The following SMARCAD1 variants were observed in gnomAD, a reference collection of about 807,000 sequenced individuals.
SMARCAD1 encodes SNF2 related chromatin remodeling ATPase with DExD box 1, also known as SWI/SNF-related matrix-associated actin-dependent regulator of chromatin subfamily A containing DEAD/H box 1.
A neutral mutation model predicts 127.1 loss-of-function variants in SMARCAD1; 25 were observed. That is an observed-to-expected ratio of 0.20 (90% CI 0.14 to 0.27). The LOEUF is 0.27. SMARCAD1 is among the 10% of genes least tolerant of loss of function. SMARCAD1 has a pLI of 1.00. For missense variants in SMARCAD1, 807 were observed against 1,206.0 expected (o/e 0.67, Z 4.90); for synonymous variants, 400 against 396.9 (o/e 1.01, Z -0.09).
intron 9 of SMARCAD1, among the ~76,000 whole-genome samples, chr4:94,256,158 GT>G (rs1214465493): frequency 2.6e-5 from 4 of 152,120 alleles, no homozygotes; most frequent in African/African-American, 7.2e-5. Context: ...GAGTAGTAAT[GT>G]TTTTATGCTG....
In SMARCAD1 at chr4:94,208,577, A is replaced by G; in HGVS notation, c.183A>G (p.Glu61=). ...RANTPDSDIT[E]KTEDSSVPET... Reference sequence around the variant, plus strand: ...ACACTCCTGATTCAGATATAACTGAAAAAACAGGTGAGTTACAATGTTAAA... The same window carrying G: ...ACACTCCTGATTCAGATATAACTGAGAAAACAGGTGAGTTACAATGTTAAA... Residue 61 remains glutamate (E), a synonymous_variant, in exon 2 of 24, where the codon GAA becomes GAG. Transcript: ENST00000354268. 6.2e-7 allele frequency: 1 copy of G among 1,614,010 alleles called. No homozygotes were observed.
At chr4:94,268,026 G>A (rs1381372419) in intron 10 of SMARCAD1, among the ~76,000 whole-genome samples, 1 of 152,208 alleles carries the variant, frequency 6.6e-6, no homozygotes, top group East Asian at 1.9e-4. Context: ...TTTACATGCT[G>A]AGAAAGGATC....
At chr4:94,286,854 T>C (rs1374337062) in intron 23 of SMARCAD1, among the ~76,000 whole-genome samples, 1 of 152,214 alleles carries the variant, frequency 6.6e-6, no homozygotes, top group Non-Finnish European at 1.5e-5. Flanking sequence ...TGTTTAGTTA[T>C]GAAGAATCCT....
chr4:94,224,787 T>C (rs1744743538), intron 2 of SMARCAD1, among the ~76,000 whole-genome samples: 1 of 152,170 alleles, frequency 6.6e-6, no homozygotes, highest in Admixed American at 6.5e-5. Context: ...GCAAGTTGCT[T>C]TTTCTCTCAG....
At chr4:94,234,172 C>T in intron 4 of SMARCAD1, 50 bp downstream of exon 4, 4 of 1,494,746 alleles carry the variant, frequency 2.7e-6, no homozygotes, top group Non-Finnish European at 2.7e-6. Context: ...ATCTCTCCTG[C>T]ATTCAGTGCT....
intron 6 of SMARCAD1, 106 bp from the exon 7 acceptor site, chr4:94,249,548 T>TGG (rs1748956877): frequency 2.8e-6 from 2 of 716,790 alleles, no homozygotes; most frequent in Non-Finnish European, 5.1e-6. Flanking sequence ...TTCTTCTGAC[T>TGG]GATGATGATA....
chr4:94,259,924 GTGTT>G lies in SMARCAD1; in HGVS notation c.1282-4778_1282-4775del, dbSNP rs538033460. Among the ~76,000 whole-genome samples, 18 of 152,226 alleles carry G rather than the reference GTGTT, an allele frequency of 1.2e-4. No homozygotes were observed. The South Asian group carries it at 3.7e-3, about 32-fold the overall frequency. On this transcript the variant is annotated intron_variant, in intron 9 of 23. Coordinates refer to ENST00000354268, the MANE Select transcript of SMARCAD1 (RefSeq NM_020159.5). ...TTCCAGTTGTCTCATAAATGCCATA[GTGTT>G]TGTTCATTTGTTTTATAGTTTGTTA... is the stretch of plus-strand genomic sequence containing the variant.
chr4:94,235,006 T>C (rs987584413), intron 4 of SMARCAD1, among the ~76,000 whole-genome samples: 1 of 152,142 alleles, frequency 6.6e-6, no homozygotes, highest in Non-Finnish European at 1.5e-5. Flanking sequence ...TACTGGATAC[T>C]CAGATTTTTC....
chr4:94,279,127 A>G (rs1038509461), intron 19 of SMARCAD1, 77 bp downstream of exon 19: 7 of 1,576,096 alleles, frequency 4.4e-6, no homozygotes, highest in South Asian at 1.1e-5. Flanking sequence ...GGTGAACCCA[A>G]TGGGCATACT....
rs1282467024 is a variant in SMARCAD1 at position 94,291,210 on chromosome 4, TTTATCTC to T, written c.*1678_*1684del. Reference sequence around the variant, plus strand: ...TTGTTGTTGTTGTTATATCCATACTTTTATCTCTAATGAAATGTAGTTGGGTTCTTCC... The same window carrying T: ...TTGTTGTTGTTGTTATATCCATACTTTAATGAAATGTAGTTGGGTTCTTCC... On this transcript the variant is annotated 3_prime_UTR_variant, in exon 24 of 24. Coordinates refer to ENST00000354268, the MANE Select transcript of SMARCAD1 (RefSeq NM_020159.5). 3 of 453,994 alleles carry T rather than the reference TTTATCTC, an allele frequency of 6.6e-6. No homozygotes were observed. Among genetic ancestry groups the T allele is most frequent in the East Asian group, 6.9e-5 (1 of 14,412 alleles). 28.1% of individuals were successfully genotyped at this position (453,994 alleles called of 1,614,324 possible). A position where few individuals can be genotyped will look rare whatever the true frequency, so the allele number is the denominator to read the frequency against.
At chr4:94,273,147 A>G (rs907717264) in intron 11 of SMARCAD1, among the ~76,000 whole-genome samples, 9 of 152,226 alleles carry the variant, frequency 5.9e-5, no homozygotes, top group Non-Finnish European at 1.0e-4. Context: ...AGATAAAACT[A>G]TGAACATTCT....
intron 2 of SMARCAD1, among the ~76,000 whole-genome samples, chr4:94,215,631 G>A (rs1167563216): frequency 6.8e-6 from 1 of 146,206 alleles, no homozygotes; most frequent in African/African-American, 2.5e-5. Flanking sequence ...AAAAAGGGGG[G>A]TGGGGGGGAG....
Position 94,226,288 on chromosome 4 carries a change from G to A in SMARCAD1, c.360G>A (p.Val120=). 1 of 1,610,810 alleles carries A rather than the reference G, an allele frequency of 6.2e-7. No homozygotes were observed. The highest frequency in any genetic ancestry group is 2.2e-5 in the East Asian group (1 of 44,708). The part of the protein sequence containing the change: ...VQEKTFNKDT[V]IIVSEPSEDE... The stretch of plus-strand genomic sequence containing the variant: ...AGAAAACATTCAACAAAGATACAGT[G>A]ATTATAGTGTAAGCTGATTAATAGA... Residue 120 remains valine (V), a synonymous_variant, in exon 3 of 24, where the codon GTG becomes GTA. Transcript: ENST00000354268.
At chr4:94,250,937 G>T in intron 8 of SMARCAD1, 104 bp downstream of exon 8, 1 of 843,488 alleles carries the variant, frequency 1.2e-6, no homozygotes. Context: ...TTAATCAGAG[G>T]GTGGGATTGC....
chr4:94,277,170 A>G lies in SMARCAD1; in HGVS notation c.2082+11A>G. 1 of 1,613,752 alleles carries G rather than the reference A, an allele frequency of 6.2e-7. No individual in the cohort carries two copies. The highest frequency in any genetic ancestry group is 8.5e-7 in the Non-Finnish European group (1 of 1,179,746). ...TTTTCCTCTAAGACAGTAAGCATAA[A>G]TGCATATTTTCTCCCAAATATGTTA... On this transcript the variant is annotated intron_variant, in intron 16 of 23. Coordinates refer to ENST00000354268, the MANE Select transcript of SMARCAD1 (RefSeq NM_020159.5).
intron 2 of SMARCAD1, among the ~76,000 whole-genome samples, chr4:94,217,715 A>T (rs536329656): frequency 3.4e-4 from 52 of 152,342 alleles, no homozygotes; most frequent in Middle Eastern, 3.4e-3. Flanking sequence ...CTAAGTACAG[A>T]TTTAATTATA....
Position 94,283,137 on chromosome 4 carries a change from G to A in SMARCAD1, c.2743G>A (p.Glu915Lys), listed in dbSNP as rs1206007756. The part of the protein sequence containing the change: ...QISERIHLID[E>K]FNTDMDIFVF... The stretch of plus-strand genomic sequence containing the variant: ...ATCTTACAGGATTCATCTAATTGAT[G>A]AGTTTAATACCGATATGGATATCTT... The change falls in exon 22 of 24, where the codon GAG (glutamate) becomes AAG (lysine). Residue 915 changes from glutamate (E) to lysine (K), a missense_variant. Physicochemically the swap from Glu to Lys is moderately conservative, Grantham distance 56. Coordinates refer to ENST00000354268, the MANE Select transcript of SMARCAD1 (RefSeq NM_020159.5). 1 of 1,613,008 alleles carries A rather than the reference G, an allele frequency of 6.2e-7. No homozygotes were observed. Among genetic ancestry groups the A allele is most frequent in the Non-Finnish European group, 8.5e-7 (1 of 1,179,658 alleles).
At position 94,226,231 on chromosome 4, in the gene SMARCAD1, C is replaced by T. The variant is rs757704006; in HGVS notation, c.303C>T (p.Val101=). Residue 101 remains valine (V), a synonymous_variant, in exon 3 of 24, where the codon GTC becomes GTT. Coordinates refer to ENST00000354268, the MANE Select transcript of SMARCAD1 (RefSeq NM_020159.5). The stretch of plus-strand genomic sequence containing the variant: ...ATTTGTCTTCTGATAGTGAAGATGT[C>T]GTTTCCCCAAATTGCTCCAATACAG... The part of the protein sequence containing the change: ...YIDLSSDSED[V]VSPNCSNTVQ... 2.2e-5 allele frequency: 36 copies of T among 1,613,276 alleles called. No individual in the cohort carries two copies. The highest frequency in any genetic ancestry group is 5.5e-5 in the South Asian group (5 of 91,048).
chr4:94,277,212 G>C, intron 16 of SMARCAD1, 53 bp downstream of exon 16: 2 of 1,597,706 alleles, frequency 1.3e-6, no homozygotes, highest in Non-Finnish European at 1.7e-6. Flanking sequence ...TTTTATCTGG[G>C]CCATTCTTCT....
Sources: allele counts gnomAD v4.1 joint callset (sites outside exome capture counted in the v4.1 genomes callset), GRCh38; gene constraint gnomAD v4.1.1; transcripts MANE v1.5; gene names NCBI Gene and HGNC (gene_info 2026-07-23, HGNC 2026-07-21).